The following C8orf34 variants were observed in gnomAD, a reference collection of about 807,000 sequenced individuals.
C8orf34 encodes uncharacterized protein C8orf34.
In C8orf34, 65 loss-of-function variants were observed where a neutral mutation model predicts 68.3. The observed-to-expected ratio is 0.95, with a 90% confidence interval of 0.78 to 1.17. The LOEUF (loss-of-function observed/expected upper bound fraction) is 1.17. Ranked by LOEUF, C8orf34 falls within the 50% of genes most tolerant of loss-of-function variation. The probability of loss-of-function intolerance (pLI) is 0.00; values close to 1 mark genes in which losing one functional copy is unlikely to be tolerated. For missense variants in C8orf34, 664 were observed against 655.4 expected, an observed-to-expected ratio of 1.01 and a Z score of -0.14; for synonymous variants, 244 against 241.2, an observed-to-expected ratio of 1.01 and a Z score of -0.11.
In C8orf34 at chr8:68,383,705, C is replaced by T. The variant is rs558348704; in HGVS notation, c.327+52366C>T. Among the ~76,000 whole-genome samples, 28 of 152,306 alleles carry T rather than the reference C, an allele frequency of 1.8e-4. 1 individual carries two copies. The Middle Eastern group carries it at 0.01, about 56-fold the overall frequency. Reference sequence around the variant, plus strand: ...AAATATTAGAAAAAAACTACATCCTCGACTGCAGCCCATCCTGATTATTTA... The same window carrying T: ...AAATATTAGAAAAAAACTACATCCTTGACTGCAGCCCATCCTGATTATTTA... On this transcript the variant is annotated intron_variant, in intron 1 of 13. Transcript: ENST00000518698.
At chr8:68,638,307 C>T (rs946264893) in intron 7 of C8orf34, among the ~76,000 whole-genome samples, 16 of 139,304 alleles carry the variant, frequency 1.1e-4, no homozygotes, top group Non-Finnish European at 2.2e-4. Flanking sequence ...AAAGCTAGAA[C>T]TTTTTTTTTT....
At chr8:68,352,467 CATT>C (rs1806552672) in intron 1 of C8orf34, among the ~76,000 whole-genome samples, 1 of 152,000 alleles carries the variant, frequency 6.6e-6, no homozygotes, top group Non-Finnish European at 1.5e-5. Context: ...TTTTTATAGA[CATT>C]ATGCAAAGTT....
chr8:68,338,729 C>G (rs1444612273), intron 1 of C8orf34, among the ~76,000 whole-genome samples: 1 of 151,970 alleles, frequency 6.6e-6, no homozygotes, highest in Non-Finnish European at 1.5e-5. Context: ...TATGTAAATA[C>G]CTGGAGTGGA....
At position 68,773,877 on chromosome 8, in the gene C8orf34, C is replaced by G. The variant is rs570908307; in HGVS notation, c.1405-2522C>G. ...AGAAGCAAGGCTGTCAAGAAGCTTG[C>G]TTTATTTATATTCGATCATTAAGAA... On this transcript the variant is annotated intron_variant, in intron 10 of 13. Coordinates refer to ENST00000518698, the MANE Select transcript of C8orf34 (RefSeq NM_052958.4). 3.2e-4 allele frequency among the ~76,000 whole-genome samples: 48 copies of G among 152,178 alleles called. No homozygotes were observed. The South Asian group carries it at 5.0e-3, about 16-fold the overall frequency.
At chr8:68,556,854 A>G (rs1033299742) in intron 7 of C8orf34, among the ~76,000 whole-genome samples, 1 of 152,180 alleles carries the variant, frequency 6.6e-6, no homozygotes, top group East Asian at 1.9e-4. Flanking sequence ...GCTAACACAA[A>G]TGTTGATTCT....
chr8:68,808,384 A>G (rs1251366035), intron 12 of C8orf34, among the ~76,000 whole-genome samples: 1 of 151,908 alleles, frequency 6.6e-6, no homozygotes, highest in Non-Finnish European at 1.5e-5. Flanking sequence ...AATGGTTTTT[A>G]TTTTTGCCAA....
At chr8:68,525,410 A>G (rs1482271328) in intron 6 of C8orf34, 1 of 390,916 alleles carries the variant, frequency 2.6e-6, no homozygotes, top group Non-Finnish European at 4.5e-6. Flanking sequence ...ATTATACCTC[A>G]TAACTTATAA....
rs200056903 is a variant in C8orf34 at position 68,493,290 on chromosome 8, TAATTACTC to T, written c.765+5245_765+5252del. The stretch of plus-strand genomic sequence containing the variant: ...ACTCCTATAACTCAACAACAAAAAC[TAATTACTC>T]AATTAAAAATGGGCAAAGGATTGAG... On this transcript the variant is annotated intron_variant, in intron 5 of 13. Coordinates refer to ENST00000518698, the MANE Select transcript of C8orf34 (RefSeq NM_052958.4). Among the ~76,000 whole-genome samples, 31 of 133,378 alleles carry T rather than the reference TAATTACTC, an allele frequency of 2.3e-4. No homozygotes were observed. In the East Asian group the frequency reaches 5.9e-3, roughly 25 times the overall value. 87.5% of individuals were successfully genotyped at this position (133,378 alleles called of 152,430 possible). A position where few individuals can be genotyped will look rare whatever the true frequency, so the allele number is the denominator to read the frequency against.
chr8:68,683,199 A>C (rs1404927895), intron 8 of C8orf34, among the ~76,000 whole-genome samples: 3 of 152,026 alleles, frequency 2.0e-5, no homozygotes, highest in African/African-American at 7.2e-5. Flanking sequence ...AAATAATTTC[A>C]ATTAAGTCAT....
At chr8:68,678,803 A>G (rs1027521810) in intron 8 of C8orf34, among the ~76,000 whole-genome samples, 2 of 150,266 alleles carry the variant, frequency 1.3e-5, no homozygotes, top group Non-Finnish European at 3.0e-5. Flanking sequence ...AAGTTAAATT[A>G]TCCTTTTTTG....
intron 4 of C8orf34, among the ~76,000 whole-genome samples, chr8:68,473,328 C>A (rs1462127758): frequency 1.3e-5 from 2 of 152,254 alleles, no homozygotes; most frequent in African/African-American, 4.8e-5. Flanking sequence ...ACTGGTTGGA[C>A]CAGGTGTGAT....
chr8:68,789,052 A>T (rs150137210), intron 12 of C8orf34, among the ~76,000 whole-genome samples: 198 of 152,328 alleles, frequency 1.3e-3, no homozygotes, highest in African/African-American at 4.4e-3. Flanking sequence ...CAAAAGTTTT[A>T]TGAAAAAATG....
rs116537550 is a variant in C8orf34 at position 68,508,858 on chromosome 8, T to A, written c.766-12941T>A. The stretch of plus-strand genomic sequence containing the variant: ...GAATGGTGAATAAGACAGGGTTTTA[T>A]TGGGTGAAAAAGGAAGAAAAGGGGG... On this transcript the variant is annotated intron_variant, in intron 5 of 13. Transcript: ENST00000518698. Among the ~76,000 whole-genome samples the A allele has an allele frequency of 9.0e-3, 1,376 of 152,222 alleles. 23 individuals are homozygous for A. The highest frequency in any genetic ancestry group is 0.031 in the African/African-American group (1,302 of 41,524).
chr8:68,450,463 C>T (rs574493646), intron 3 of C8orf34, among the ~76,000 whole-genome samples: 3 of 152,090 alleles, frequency 2.0e-5, no homozygotes, highest in Non-Finnish European at 4.4e-5. Context: ...TCAGAGGAAT[C>T]AATATCTATG....
chr8:68,535,029 A>G (rs1459685372), intron 7 of C8orf34: 2 of 985,314 alleles, frequency 2.0e-6, no homozygotes, highest in African/African-American at 3.5e-5. Flanking sequence ...GGTGGCAAGC[A>G]GTGTAATAAT....
chr8:68,553,607 A>C (rs753707612), intron 7 of C8orf34, among the ~76,000 whole-genome samples: 3 of 151,848 alleles, frequency 2.0e-5, no homozygotes, highest in African/African-American at 7.3e-5. Context: ...ATTCCTAGGA[A>C]TCTGTCCATT....
At chr8:68,506,236 T>C (rs1214560007) in intron 5 of C8orf34, among the ~76,000 whole-genome samples, 1 of 152,238 alleles carries the variant, frequency 6.6e-6, no homozygotes, top group Non-Finnish European at 1.5e-5. Context: ...GCAAAATTTC[T>C]CTCTAAAGAG....
chr8:68,495,163 A>G (rs1382026568), intron 5 of C8orf34, among the ~76,000 whole-genome samples: 1 of 151,660 alleles, frequency 6.6e-6, no homozygotes, highest in East Asian at 1.9e-4. Context: ...GGCAGTCTGT[A>G]TATCTTTTAG....
rs146865500 is a variant in C8orf34 at position 68,500,399 on chromosome 8, T to C, written c.765+12348T>C. On this transcript the variant is annotated intron_variant, in intron 5 of 13. Coordinates refer to ENST00000518698, the MANE Select transcript of C8orf34 (RefSeq NM_052958.4). ...TAAAGGAGATTTTTTAAAATGACAGTTGAATGCCACGTGGGATCCAGGATA... is the reference window on the plus strand; with the variant it reads ...TAAAGGAGATTTTTTAAAATGACAGCTGAATGCCACGTGGGATCCAGGATA... 3.4e-3 allele frequency among the ~76,000 whole-genome samples: 518 copies of C among 152,320 alleles called. 1 individual carries two copies. Among genetic ancestry groups the C allele is most frequent in the African/African-American group, 0.012 (487 of 41,576 alleles).
Sources: gnomAD v4.1 joint callset for allele counts (sites outside exome capture counted in the v4.1 genomes callset) on GRCh38, gnomAD v4.1.1 for gene constraint, MANE v1.5 for transcripts, NCBI Gene and HGNC (gene_info 2026-07-23, HGNC 2026-07-21) for gene names.